The following ATR variants were observed in gnomAD, a reference collection of about 807,000 sequenced individuals.
ATR encodes serine/threonine-protein kinase ATR.
Under a neutral mutation model 305.3 loss-of-function variants are expected in ATR, and 142 were observed. The observed-to-expected ratio is 0.47, with a 90% CI of 0.41 to 0.53. The LOEUF is 0.53. Ranked by LOEUF, ATR falls within the 20% of genes least tolerant of loss-of-function variation. The pLI, the probability that ATR is intolerant of heterozygous loss-of-function variation, is 0.00. For synonymous variants in ATR, 1,050 were observed against 1,068.1 expected, an observed-to-expected ratio of 0.98 and a Z score of 0.33; for missense variants, 2,135 against 3,133.1, an observed-to-expected ratio of 0.68 and a Z score of 7.60.
intron 21 of ATR, among the ~76,000 whole-genome samples, chr3:142,528,539 C>G (rs980035322): frequency 6.6e-6 from 1 of 152,028 alleles, no homozygotes; most frequent in Non-Finnish European, 1.5e-5. Context: ...TTCCACTTAT[C>G]TGGATAATTT....
intron 16 of ATR, among the ~76,000 whole-genome samples, chr3:142,544,948 C>G (rs2034210262): frequency 6.6e-6 from 1 of 152,144 alleles, no homozygotes; most frequent in Non-Finnish European, 1.5e-5. Flanking sequence ...TGGTAAGCCA[C>G]AATTCACTAA....
Position 142,566,203 on chromosome 3 carries a change from A to G in ATR, c.210T>C (p.Asp70=). Residue 70 remains aspartate, a synonymous_variant, in exon 3 of 47, where the codon GAT becomes GAC. Transcript: ENST00000350721. ...AGGATTTCATGATATGCTGGATGAA[A>G]TCAAGCAACATCACGGAGGTTGGCT... is the stretch of plus-strand genomic sequence containing the variant. The part of the protein sequence containing the change: ...DSQPTSVMLL[D]FIQHIMKSSP... 1 of 1,614,072 alleles carries G rather than the reference A, an allele frequency of 6.2e-7. No homozygotes were observed. Among genetic ancestry groups the G allele is most frequent in the Non-Finnish European group, 8.5e-7 (1 of 1,179,938 alleles).
At chr3:142,460,428 G>A (rs1345421716) in intron 42 of ATR, among the ~76,000 whole-genome samples, 1 of 152,080 alleles carries the variant, frequency 6.6e-6, no homozygotes, top group Non-Finnish European at 1.5e-5. Flanking sequence ...ATAATCCAGT[G>A]ACTGGTGTTC....
intron 29 of ATR, among the ~76,000 whole-genome samples, chr3:142,504,173 T>C (rs957240581): frequency 6.6e-6 from 1 of 152,220 alleles, no homozygotes; most frequent in Non-Finnish European, 1.5e-5. Flanking sequence ...CCCTTTCCCA[T>C]TCCAATAGAC....
At chr3:142,545,460 A>T (rs537721205) in intron 16 of ATR, among the ~76,000 whole-genome samples, 2 of 152,168 alleles carry the variant, frequency 1.3e-5, no homozygotes, top group African/African-American at 4.8e-5. Flanking sequence ...AAATATAGGG[A>T]GAAAGGAAGA....
intron 2 of ATR, among the ~76,000 whole-genome samples, chr3:142,567,572 C>T (rs1328068521): frequency 6.6e-6 from 1 of 152,198 alleles, no homozygotes; most frequent in East Asian, 1.9e-4. Context: ...GTGACACCAT[C>T]TTGCCAGGTT....
chr3:142,555,452 C>T (rs990804277), intron 10 of ATR, among the ~76,000 whole-genome samples: 1 of 151,962 alleles, frequency 6.6e-6, no homozygotes, highest in African/African-American at 2.4e-5. Context: ...ATTTATACTC[C>T]ATTACCACTG....
intron 25 of ATR, among the ~76,000 whole-genome samples, chr3:142,514,477 CAA>C (rs780325483): frequency 6.6e-6 from 1 of 150,378 alleles, no homozygotes; most frequent in Admixed American, 6.6e-5. Context: ...TAAAAAAATA[CAA>C]AAAAATTAGC....
intron 17 of ATR, 33 bp downstream of exon 17, chr3:142,542,632 C>G: frequency 1.3e-6 from 2 of 1,536,574 alleles, no homozygotes; most frequent in South Asian, 1.1e-5. Context: ...TGTATGAATT[C>G]TATCTTAGCA....
chr3:142,481,261 T>G (rs1458865026), intron 36 of ATR, among the ~76,000 whole-genome samples: 1 of 152,246 alleles, frequency 6.6e-6, no homozygotes, highest in African/African-American at 2.4e-5. Context: ...CATAAAAGGA[T>G]GTTGAATTTT....
rs6440085 is a variant in ATR at position 142,513,901 on chromosome 3, A to T, written c.4504-263T>A. Among the ~76,000 whole-genome samples the T allele has an allele frequency of 0.34, 51,880 of 151,942 alleles. 9,384 individuals are homozygous for T. The highest frequency in any genetic ancestry group is 0.44 in the Middle Eastern group (129 of 292). On this transcript the variant is annotated intron_variant, in intron 25 of 46. Coordinates refer to ENST00000350721, the MANE Select transcript of ATR (RefSeq NM_001184.4). Reference sequence around the variant, plus strand: ...AAAGCCAAAAAACAAAAAAAAACCCATAATATTCCAGAGCTGAAAATAGTT... The same window carrying T: ...AAAGCCAAAAAACAAAAAAAAACCCTTAATATTCCAGAGCTGAAAATAGTT...
At chr3:142,550,390 A>G in intron 13 of ATR, 88 bp from the exon 14 acceptor site, 3 of 1,365,080 alleles carry the variant, frequency 2.2e-6, no homozygotes, top group Admixed American at 3.4e-5. Flanking sequence ...GGGCAGTATC[A>G]AATAGTATTC....
intron 41 of ATR, among the ~76,000 whole-genome samples, chr3:142,463,491 G>A (rs917544708): frequency 1.3e-5 from 2 of 152,122 alleles, no homozygotes; most frequent in Middle Eastern, 3.2e-3. Flanking sequence ...CCGCCTCCCA[G>A]GCTCAACCAA....
chr3:142,494,494 C>G (rs558556378), intron 34 of ATR, among the ~76,000 whole-genome samples: 1 of 152,116 alleles, frequency 6.6e-6, no homozygotes, highest in Non-Finnish European at 1.5e-5. Flanking sequence ...TTAAACCTAC[C>G]TGAAGAATAT....
intron 35 of ATR, 43 bp from the exon 36 acceptor site, chr3:142,485,325 G>T: frequency 6.2e-7 from 1 of 1,604,672 alleles, no homozygotes. Flanking sequence ...GAAATCCCAC[G>T]CTATGCTGGG....
chr3:142,459,898 G>C (rs1350742283), intron 42 of ATR, among the ~76,000 whole-genome samples: 1 of 151,948 alleles, frequency 6.6e-6, no homozygotes, highest in Non-Finnish European at 1.5e-5. Context: ...CAGAATACAA[G>C]ACTCAAAATT....
chr3:142,449,721 T>C, intron 46 of ATR, 119 bp from the exon 47 acceptor site: 1 of 1,047,816 alleles, frequency 9.5e-7, no homozygotes. Context: ...ACCCCTTTTG[T>C]AAGAGCAAAT....
Position 142,558,726 on chromosome 3 carries a change from A to T in ATR, c.1783T>A (p.Ser595Thr). 6.2e-7 allele frequency: 1 copy of T among 1,612,414 alleles called. No homozygotes were observed. The highest frequency in any genetic ancestry group is 1.1e-5 in the South Asian group (1 of 91,008). Residue 595 changes from serine (S) to threonine (T), a missense_variant, in exon 8 of 47, where the codon TCA (serine) becomes ACA (threonine). Coordinates refer to ENST00000350721, the MANE Select transcript of ATR (RefSeq NM_001184.4). The part of the protein sequence containing the change: ...HILEDLCGML[S>T]LPWIYSHSDD... ...GAATGGGAATAAATCCATGGAAGTG[A>T]GAGCATACCACATAAATCTTCCAGG...
rs2071170541 is a variant in ATR at position 142,468,025 on chromosome 3, T to C, written c.6596A>G (p.Asn2199Ser). 5 of 1,613,000 alleles carry C rather than the reference T, an allele frequency of 3.1e-6. No homozygotes were observed. The highest frequency in any genetic ancestry group is 4.2e-6 in the Non-Finnish European group (5 of 1,179,456). Residue 2199 changes from asparagine (N) to serine (S), a missense_variant, in exon 39 of 47, where the codon AAT (asparagine) becomes AGT (serine). Around this residue, in one of 9 missense-constraint regions of ATR, gnomAD observed 462 missense variants for 887.6 expected, o/e 0.52. Transcript: ENST00000350721. Reference sequence around the variant, plus strand: ...GGATTTTTTCATATGAATAGCTTTATTGAGGATTTCCTTGCATCTGTTCAC... The same window carrying C: ...GGATTTTTTCATATGAATAGCTTTACTGAGGATTTCCTTGCATCTGTTCAC... ...MRVNRCKEIL[N>S]KAIHMKKSLE...
Sources: gnomAD v4.1 joint callset for allele counts (sites outside exome capture counted in the v4.1 genomes callset) on GRCh38, gnomAD v4.1.1 for gene constraint, gnomAD v4.1.1 regional missense constraint, MANE v1.5 for transcripts, NCBI Gene and HGNC (gene_info 2026-07-23, HGNC 2026-07-21) for gene names.